The following USP24 variants were observed in gnomAD, a reference collection of about 807,000 sequenced individuals.
USP24 encodes the protein ubiquitin carboxyl-terminal hydrolase 24.
A neutral mutation model predicts 361.6 loss-of-function variants in USP24; 97 were observed. The observed-to-expected ratio is 0.27, with a 90% confidence interval of 0.23 to 0.32. The LOEUF (loss-of-function observed/expected upper bound fraction) is 0.32, where lower values mean the gene tolerates loss of function less well. USP24 is among the 10% of genes least tolerant of loss of function. The pLI is 1.00. For missense variants in USP24, 2,353 were observed against 3,165.6 expected (o/e 0.74, Z 6.16); for synonymous variants, 1,098 against 1,124.6 (o/e 0.98, Z 0.47).
At chr1:55,159,471 T>A (rs1359559691) in intron 9 of USP24, 140 bp downstream of exon 9, 1 of 706,290 alleles carries the variant, frequency 1.4e-6, no homozygotes, top group Non-Finnish European at 2.3e-6. Context: ...CACTTTTTAA[T>A]TAGGAAATGT....
At chr1:55,147,081 A>G in intron 18 of USP24, 21 bp from the exon 19 acceptor site, 1 of 1,527,514 alleles carries the variant, frequency 6.5e-7, no homozygotes, top group Admixed American at 2.3e-5. Context: ...AAATAATGCT[A>G]ATTAGTTAAC....
intron 5 of USP24, 88 bp from the exon 6 acceptor site, chr1:55,166,691 A>G (rs947508294): frequency 2.5e-5 from 32 of 1,279,228 alleles, no homozygotes; most frequent in Middle Eastern, 1.9e-4. Flanking sequence ...ATGAAAAGTC[A>G]GAAGAAAAAT....
chr1:55,081,798 G>A (rs1645154483), intron 58 of USP24, among the ~76,000 whole-genome samples: 2 of 152,196 alleles, frequency 1.3e-5, no homozygotes, highest in South Asian at 2.1e-4. Context: ...TACTGGCAGA[G>A]GTAAGGCTAC....
chr1:55,120,154 G>T (rs530498532), intron 38 of USP24, among the ~76,000 whole-genome samples: 154 of 152,258 alleles, frequency 1.0e-3, no homozygotes, highest in Non-Finnish European at 1.6e-3. Context: ...CATGAGTTTG[G>T]ACTACAAGCT....
intron 55 of USP24, chr1:55,086,245 G>C: frequency 1.7e-6 from 1 of 585,562 alleles, no homozygotes; most frequent in Non-Finnish European, 3.0e-6. Flanking sequence ...CCAAGGCTCT[G>C]TTCAAAATTC....
At chr1:55,124,753 G>T in intron 34 of USP24, 125 bp from the exon 35 acceptor site, 1 of 1,048,118 alleles carries the variant, frequency 9.5e-7, no homozygotes, top group Non-Finnish European at 1.4e-6. Context: ...CAGAAAGATG[G>T]CCTTTCTCAA....
At chr1:55,187,175 T>TA (rs1445679392) in intron 1 of USP24, among the ~76,000 whole-genome samples, 2 of 151,798 alleles carry the variant, frequency 1.3e-5, no homozygotes, top group Admixed American at 6.6e-5. Flanking sequence ...ATAAAGGACA[T>TA]AAAAAATCAC....
intron 30 of USP24, among the ~76,000 whole-genome samples, chr1:55,133,676 T>C (rs912200188): frequency 4.0e-5 from 6 of 150,748 alleles, no homozygotes; most frequent in Non-Finnish European, 8.8e-5. Flanking sequence ...CTTGCTTTGT[T>C]GCCCAGGCCA....
chr1:55,209,185 T>C lies in USP24; in HGVS notation c.324+5605A>G, dbSNP rs369585189. Reference sequence around the variant, plus strand: ...CTCTCTTAGTCGTACCTCTGCAATCTAGTATCATGACTGAAATGTCCTCAC... The same window carrying C: ...CTCTCTTAGTCGTACCTCTGCAATCCAGTATCATGACTGAAATGTCCTCAC... On this transcript the variant is annotated intron_variant, in intron 1 of 67. Transcript: ENST00000294383. 2.0e-5 allele frequency among the ~76,000 whole-genome samples: 3 copies of C among 152,228 alleles called. No homozygotes were observed. The East Asian group carries it at 5.8e-4, about 29-fold the overall frequency.
intron 1 of USP24, among the ~76,000 whole-genome samples, chr1:55,181,368 G>A (rs911343990): frequency 6.6e-6 from 1 of 152,106 alleles, no homozygotes; most frequent in Non-Finnish European, 1.5e-5. Context: ...AACTAAGTAC[G>A]CTTAGAATCA....
chr1:55,152,837 C>T (rs990434776), intron 16 of USP24, among the ~76,000 whole-genome samples: 3 of 152,092 alleles, frequency 2.0e-5, no homozygotes, highest in Non-Finnish European at 2.9e-5. Context: ...CTTCAATGCC[C>T]CCAACTAAAC....
chr1:55,211,329 A>G (rs926016652), intron 1 of USP24, among the ~76,000 whole-genome samples: 1 of 152,202 alleles, frequency 6.6e-6, no homozygotes, highest in African/African-American at 2.4e-5. Flanking sequence ...TCAAAACTGG[A>G]CAGCTTCTCA....
chr1:55,159,359 C>A (rs1648029909), intron 9 of USP24, among the ~76,000 whole-genome samples: 1 of 152,196 alleles, frequency 6.6e-6, no homozygotes, highest in Non-Finnish European at 1.5e-5. Context: ...GTGATACCAT[C>A]AAAATCATGT....
chr1:55,072,314 C>T lies in USP24; in HGVS notation c.7689+3G>A. ...CCACGCAAAAACAAGAGACAACTCT[C>T]ACCTGAGCTGAAATGGTTCGCTGAA... On this transcript the variant is annotated splice_donor_region_variant and intron_variant, in intron 66 of 67. Coordinates refer to ENST00000294383, the MANE Select transcript of USP24 (RefSeq NM_015306.3). 1 of 1,613,048 alleles carries T rather than the reference C, an allele frequency of 6.2e-7. No individual in the cohort carries two copies. The highest frequency in any genetic ancestry group is 8.5e-7 in the Non-Finnish European group (1 of 1,179,466).
In USP24 at chr1:55,172,404, G is replaced by A. The variant is rs1649542531; in HGVS notation, c.675C>T (p.Pro225=). The change falls in exon 4 of 68, where the codon CCC becomes CCT. Residue 225 remains proline (P), a synonymous_variant. Coordinates refer to ENST00000294383, the MANE Select transcript of USP24 (RefSeq NM_015306.3). The stretch of plus-strand genomic sequence containing the variant: ...TTGTAAGCACACCCAGGAGACCAGT[G>A]GGAATTGGATCTTGTTTTATTCTCT... The part of the protein sequence containing the change: ...VAERIKQDPI[P]TGLLGVLTMA... 6.2e-7 allele frequency: 1 copy of A among 1,612,628 alleles called. No homozygotes were observed. The highest frequency in any genetic ancestry group is 8.5e-7 in the Non-Finnish European group (1 of 1,179,200).
intron 21 of USP24, among the ~76,000 whole-genome samples, chr1:55,143,619 A>C (rs1646949034): frequency 6.6e-6 from 1 of 151,886 alleles, no homozygotes; most frequent in Admixed American, 6.6e-5. Context: ...ACTTGGAAAA[A>C]GAGTTAATAA....
At chr1:55,155,955 T>C (rs1389425937) in intron 12 of USP24, among the ~76,000 whole-genome samples, 1 of 152,208 alleles carries the variant, frequency 6.6e-6, no homozygotes, top group Non-Finnish European at 1.5e-5. Context: ...TCTCTTTTTT[T>C]GCTCCTCTAC....
chr1:55,161,720 T>G (rs962096240), intron 8 of USP24, among the ~76,000 whole-genome samples: 18 of 152,160 alleles, frequency 1.2e-4, no homozygotes, highest in African/African-American at 4.1e-4. Context: ...ACTCACAGCT[T>G]TGACTGTTCT....
intron 38 of USP24, among the ~76,000 whole-genome samples, chr1:55,114,622 T>G (rs2100567806): frequency 6.6e-6 from 1 of 152,306 alleles, no homozygotes; most frequent in South Asian, 2.1e-4. Flanking sequence ...TTGACACACC[T>G]GACAAAAACA....
Sources: gnomAD v4.1 joint callset for allele counts (sites outside exome capture counted in the v4.1 genomes callset) on GRCh38, gnomAD v4.1.1 for gene constraint, MANE v1.5 for transcripts, NCBI Gene and HGNC (gene_info 2026-07-23, HGNC 2026-07-21) for gene names.